EBF1: variants seen among roughly 807,000 people sequenced by gnomAD.
EBF1 encodes transcription factor COE1.
In EBF1, 10 loss-of-function variants were observed where a neutral mutation model predicts 68.4. The observed-to-expected ratio is 0.15, with a 90% CI of 0.09 to 0.25. The LOEUF is 0.25. Among genes scored for constraint, EBF1 ranks in the 10% least tolerant of loss-of-function variants. The probability of loss-of-function intolerance (pLI) is 1.00; values close to 1 mark genes in which losing one functional copy is unlikely to be tolerated. For missense variants in EBF1, 509 were observed against 794.4 expected (o/e 0.64, Z 4.32); for synonymous variants, 298 against 299.8 (o/e 0.99, Z 0.06).
At chr5:158,995,899 G>A (rs1019731086) in intron 6 of EBF1, among the ~76,000 whole-genome samples, 1 of 152,114 alleles carries the variant, frequency 6.6e-6, no homozygotes, top group Admixed American at 6.6e-5. Context: ...ATCACATGAC[G>A]TGCAGAGCCC....
intron 6 of EBF1, among the ~76,000 whole-genome samples, chr5:158,942,870 AGG>A (rs1348484323): frequency 1.4e-5 from 2 of 139,882 alleles, no homozygotes; most frequent in African/African-American, 5.3e-5. Context: ...AGGGGGAAGA[AGG>A]GAGGGGAGAG....
intron 6 of EBF1, among the ~76,000 whole-genome samples, chr5:158,992,347 A>G (rs1221860009): frequency 1.3e-5 from 2 of 151,910 alleles, no homozygotes; most frequent in Non-Finnish European, 2.9e-5. Flanking sequence ...CATCAGAATT[A>G]AAGAAATGTA....
intron 6 of EBF1, among the ~76,000 whole-genome samples, chr5:159,008,452 CA>C (rs11288072): frequency 0.26 from 39,202 of 151,328 alleles, 5,668 homozygotes; most frequent in South Asian, 0.51. Flanking sequence ...ACCTCAAATG[CA>C]TTTATCTGGG....
At chr5:158,869,435 A>G (rs1431646656) in intron 6 of EBF1, among the ~76,000 whole-genome samples, 1 of 152,164 alleles carries the variant, frequency 6.6e-6, no homozygotes, top group Non-Finnish European at 1.5e-5. Flanking sequence ...GGGTCACAGG[A>G]GGGAATACCC....
Position 158,840,059 on chromosome 5 carries a change from C to T in EBF1, c.606G>A (p.Ala202=), listed in dbSNP as rs145616949. The part of the protein sequence containing the change: ...LKCNQNCLKN[A]GNPRDMRRFQ... ...ATCTCCGCATGTCACGTGGGTTTCC[C>T]GCATTCTTTAGGCAATTTTGGTTAC... is the stretch of plus-strand genomic sequence containing the variant. The change falls in exon 7 of 16, where the codon GCG becomes GCA. Residue 202 remains alanine, a synonymous_variant. Transcript: ENST00000313708. The T allele has an allele frequency of 5.0e-4, 805 of 1,614,070 alleles. 5 individuals carry two copies. Among genetic ancestry groups the T allele is most frequent in the South Asian group, 2.7e-3 (242 of 91,060 alleles).
rs1243001942 is a variant in EBF1, at chr5:158,969,896, GAAAGAAAGAAAGAAAGAAAGAAAA to G, written c.554+103476_554+103499del. On this transcript the variant is annotated intron_variant, in intron 6 of 15. Coordinates refer to ENST00000313708, the MANE Select transcript of EBF1 (RefSeq NM_024007.5). The stretch of plus-strand genomic sequence containing the variant: ...AGAAAGAAAGAAAGAAAGAAAGAAA[GAAAGAAAGAAAGAAAGAAAGAAAA>G]AAAAAAAAAAGGCTGCTGGAAGTTT... 5.1e-4 allele frequency among the ~76,000 whole-genome samples: 51 copies of G among 100,038 alleles called. 1 individual carries two copies. The highest frequency in any genetic ancestry group is 8.9e-3 in the Middle Eastern group (2 of 224). The allele number at this position is 100,038 out of a possible 152,430, so 65.6% of individuals were successfully genotyped here.
At chr5:158,914,428 G>A (rs968301155) in intron 6 of EBF1, among the ~76,000 whole-genome samples, 2 of 152,092 alleles carry the variant, frequency 1.3e-5, no homozygotes, top group Admixed American at 1.3e-4. Flanking sequence ...CACGAGGGGG[G>A]TAACCAGTTG....
intron 6 of EBF1, among the ~76,000 whole-genome samples, chr5:159,015,494 AAAT>A (rs1470511822): frequency 6.6e-6 from 1 of 152,172 alleles, no homozygotes; most frequent in Middle Eastern, 3.2e-3. Context: ...AAGTGAAGCC[AAAT>A]ACCTGGAGGA....
At chr5:158,790,351 T>C (rs1318351373) in intron 9 of EBF1, among the ~76,000 whole-genome samples, 2 of 152,206 alleles carry the variant, frequency 1.3e-5, no homozygotes, top group African/African-American at 2.4e-5. Context: ...CTAATCTGAA[T>C]GATATTCTGC....
chr5:159,013,831 G>T (rs924182523), intron 6 of EBF1, among the ~76,000 whole-genome samples: 4 of 152,166 alleles, frequency 2.6e-5, no homozygotes, highest in Non-Finnish European at 5.9e-5. Flanking sequence ...CCAAGCAAAG[G>T]TGTTCAATTT....
intron 6 of EBF1, among the ~76,000 whole-genome samples, chr5:158,998,882 G>T (rs1347066892): frequency 6.6e-6 from 1 of 151,990 alleles, no homozygotes; most frequent in African/African-American, 2.4e-5. Context: ...TTCCCCAACT[G>T]TGCCGGATCG....
intron 10 of EBF1, among the ~76,000 whole-genome samples, chr5:158,764,563 G>C (rs988156739): frequency 3.9e-5 from 6 of 152,142 alleles, no homozygotes; most frequent in African/African-American, 1.4e-4. Flanking sequence ...CGGCCTTCAG[G>C]AAGCTTATAA....
chr5:158,817,399 C>A (rs149536351), intron 8 of EBF1, among the ~76,000 whole-genome samples: 1 of 152,104 alleles, frequency 6.6e-6, no homozygotes, highest in African/African-American at 2.4e-5. Context: ...CTCTACCTTC[C>A]TGAACAAACT....
chr5:159,050,699 C>T (rs995890603), intron 6 of EBF1, among the ~76,000 whole-genome samples: 4 of 152,192 alleles, frequency 2.6e-5, no homozygotes, highest in Admixed American at 6.5e-5. Flanking sequence ...CTCCTGCCTC[C>T]GTTCATCCTG....
At chr5:158,714,954 T>G (rs1198674388) in intron 11 of EBF1, among the ~76,000 whole-genome samples, 8 of 152,192 alleles carry the variant, frequency 5.3e-5, no homozygotes, top group Non-Finnish European at 1.0e-4. Context: ...GACCTCCATA[T>G]TTAGCCTGCA....
intron 6 of EBF1, among the ~76,000 whole-genome samples, chr5:158,909,742 T>C (rs1805483292): frequency 6.6e-6 from 1 of 151,826 alleles, no homozygotes; most frequent in Admixed American, 6.6e-5. Flanking sequence ...ATCGAGACCA[T>C]CCTGGCCAAC....
At position 158,921,756 on chromosome 5, in the gene EBF1, G is replaced by A. The variant is rs73300092; in HGVS notation, c.555-81646C>T. 2.2e-3 allele frequency among the ~76,000 whole-genome samples: 340 copies of A among 152,234 alleles called. 1 individual carries two copies. The highest frequency in any genetic ancestry group is 7.8e-3 in the African/African-American group (326 of 41,546). ...ACTTTGCACTCCACTTCCAACCCTG[G>A]TCTGAGATCTTCAACACCGCAAGCC... On this transcript the variant is annotated intron_variant, in intron 6 of 15. Coordinates refer to ENST00000313708, the MANE Select transcript of EBF1 (RefSeq NM_024007.5).
chr5:159,003,613 G>C (rs1215553290), intron 6 of EBF1, among the ~76,000 whole-genome samples: 1 of 152,194 alleles, frequency 6.6e-6, no homozygotes, highest in Non-Finnish European at 1.5e-5. Flanking sequence ...GAGCACATAT[G>C]CACGGATCTG....
chr5:158,823,733 AG>A (rs1289043427), intron 7 of EBF1, among the ~76,000 whole-genome samples: 1 of 152,198 alleles, frequency 6.6e-6, no homozygotes, highest in African/African-American at 2.4e-5. Flanking sequence ...CCACTGTGTC[AG>A]GGTTAAGAGG....
Sources: gnomAD v4.1 joint callset for allele counts (sites outside exome capture counted in the v4.1 genomes callset) on GRCh38, gnomAD v4.1.1 for gene constraint, MANE v1.5 for transcripts, NCBI Gene and HGNC (gene_info 2026-07-23, HGNC 2026-07-21) for gene names.